The following ANTXR1 variants were observed in gnomAD, a reference collection of about 807,000 sequenced individuals.
ANTXR1 encodes anthrax toxin receptor 1.
In ANTXR1, 19 loss-of-function variants were observed where a neutral mutation model predicts 78.1. That is an observed-to-expected ratio of 0.24 (90% CI 0.17 to 0.36). The LOEUF (loss-of-function observed/expected upper bound fraction) is 0.36, where lower values mean the gene tolerates loss of function less well. Among genes scored for constraint, ANTXR1 ranks in the 10% least tolerant of loss-of-function variants. The pLI is 1.00. For synonymous variants in ANTXR1, 273 were observed against 260.5 expected (o/e 1.05, Z -0.46); for missense variants, 518 against 718.6 (o/e 0.72, Z 3.19).
chr2:69,019,325 G>A (rs558745417), intron 1 of ANTXR1, among the ~76,000 whole-genome samples: 5 of 152,138 alleles, frequency 3.3e-5, no homozygotes, highest in South Asian at 2.1e-4. Flanking sequence ...GATCATTTTG[G>A]TTATTGTAAT....
intron 14 of ANTXR1, among the ~76,000 whole-genome samples, chr2:69,171,517 G>A (rs1366184933): frequency 6.6e-6 from 1 of 152,214 alleles, no homozygotes; most frequent in Non-Finnish European, 1.5e-5. Context: ...AGAGCAAGGA[G>A]CTCCCTTATT....
At chr2:69,172,555 C>G (rs976519400) in intron 14 of ANTXR1, 9 of 1,384,918 alleles carry the variant, frequency 6.5e-6, no homozygotes, top group Middle Eastern at 2.7e-4. Flanking sequence ...TATATGAAAT[C>G]AAACACTCTC....
intron 1 of ANTXR1, among the ~76,000 whole-genome samples, chr2:69,036,753 T>A (rs1669440043): frequency 6.6e-6 from 1 of 152,202 alleles, no homozygotes; most frequent in Non-Finnish European, 1.5e-5. Context: ...GGTTGTAGAA[T>A]TCTGGATTGG....
intron 1 of ANTXR1, among the ~76,000 whole-genome samples, chr2:69,036,829 G>T: frequency 6.6e-6 from 1 of 152,170 alleles, no homozygotes; most frequent in East Asian, 1.9e-4. Context: ...GGCCATCTCT[G>T]CCAGATCACC....
chr2:69,243,879 G>A (rs1224641770), intron 17 of ANTXR1, among the ~76,000 whole-genome samples: 2 of 152,234 alleles, frequency 1.3e-5, no homozygotes, highest in African/African-American at 4.8e-5. Context: ...GCTGTGGGGA[G>A]CAATTCTGTA....
intron 14 of ANTXR1, among the ~76,000 whole-genome samples, chr2:69,170,692 A>T (rs560526085): frequency 2.0e-5 from 3 of 152,056 alleles, no homozygotes; most frequent in Non-Finnish European, 4.4e-5. Flanking sequence ...TACATTCTCC[A>T]ATCATTGGTT....
chr2:69,238,304 T>G (rs79720889), intron 17 of ANTXR1, among the ~76,000 whole-genome samples: 2,959 of 152,296 alleles, frequency 0.019, 76 homozygotes, highest in African/African-American at 0.054. Flanking sequence ...CTGTCTGTCT[T>G]CACCTCTAGA....
intron 10 of ANTXR1, among the ~76,000 whole-genome samples, chr2:69,119,441 T>C (rs1426085784): frequency 6.6e-6 from 1 of 152,224 alleles, no homozygotes; most frequent in Non-Finnish European, 1.5e-5. Context: ...GGATAAGCCA[T>C]GGCCACGAGG....
At chr2:69,168,722 C>T (rs1356874611) in intron 13 of ANTXR1, among the ~76,000 whole-genome samples, 3 of 152,310 alleles carry the variant, frequency 2.0e-5, no homozygotes, top group East Asian at 1.9e-4. Context: ...GGAAATCAGT[C>T]CTGGACAGGA....
intron 13 of ANTXR1, among the ~76,000 whole-genome samples, chr2:69,157,630 T>C (rs938828685): frequency 1.3e-5 from 2 of 152,180 alleles, no homozygotes; most frequent in Non-Finnish European, 2.9e-5. Context: ...GCACATCCTT[T>C]CCCACACCTC....
chr2:69,098,917 C>T (rs989726928), intron 9 of ANTXR1, among the ~76,000 whole-genome samples: 1 of 152,124 alleles, frequency 6.6e-6, no homozygotes, highest in Non-Finnish European at 1.5e-5. Context: ...ACTTAGGAGG[C>T]GGAGGTTGCA....
intron 8 of ANTXR1, among the ~76,000 whole-genome samples, chr2:69,083,774 C>G (rs188299523): frequency 7.9e-4 from 120 of 152,272 alleles, no homozygotes; most frequent in Non-Finnish European, 3.5e-4. Flanking sequence ...CCCTCTCTTC[C>G]AAGATTGCAT....
intron 1 of ANTXR1, among the ~76,000 whole-genome samples, chr2:69,037,343 A>T (rs898235743): frequency 6.6e-6 from 1 of 152,196 alleles, no homozygotes; most frequent in Non-Finnish European, 1.5e-5. Context: ...GCCACCCAGT[A>T]TCAGGGGATG....
intron 12 of ANTXR1, among the ~76,000 whole-genome samples, chr2:69,143,009 A>C (rs952515576): frequency 5.3e-5 from 8 of 152,346 alleles, no homozygotes; most frequent in African/African-American, 1.9e-4. Flanking sequence ...GGGATGTATC[A>C]CTTCCATAAA....
intron 16 of ANTXR1, among the ~76,000 whole-genome samples, chr2:69,192,759 G>A (rs1674571150): frequency 1.3e-5 from 2 of 152,166 alleles, no homozygotes; most frequent in South Asian, 4.1e-4. Flanking sequence ...CCTCAAAGGG[G>A]TTGTGGTTTT....
At chr2:69,145,909 C>A (rs1673212988) in intron 12 of ANTXR1, 2 of 985,634 alleles carry the variant, frequency 2.0e-6, no homozygotes, top group South Asian at 4.7e-5. Flanking sequence ...ACCTGCCAAG[C>A]AAGAGATGCT....
At chr2:69,153,370 TAA>T (rs563887496) in intron 13 of ANTXR1, among the ~76,000 whole-genome samples, 58 of 151,566 alleles carry the variant, frequency 3.8e-4, no homozygotes, top group Non-Finnish European at 7.2e-4. Context: ...GATGACATGT[TAA>T]AGAGGTGGCA....
intron 12 of ANTXR1, among the ~76,000 whole-genome samples, chr2:69,138,102 A>G (rs1672967268): frequency 1.3e-5 from 2 of 151,758 alleles, no homozygotes; most frequent in East Asian, 1.9e-4. Flanking sequence ...AAAGAAAAAA[A>G]AAAAAAGAAA....
At chr2:69,113,333 T>C (rs937818057) in intron 10 of ANTXR1, among the ~76,000 whole-genome samples, 1 of 152,162 alleles carries the variant, frequency 6.6e-6, no homozygotes, top group African/African-American at 2.4e-5. Flanking sequence ...AGTAGGATGA[T>C]GGAAGAGAAG....
Sources: gnomAD v4.1 joint callset for allele counts (sites outside exome capture counted in the v4.1 genomes callset) on GRCh38, gnomAD v4.1.1 for gene constraint, MANE v1.5 for transcripts, NCBI Gene and HGNC (gene_info 2026-07-23, HGNC 2026-07-21) for gene names.